OR4F5: variants seen among roughly 807,000 people sequenced by gnomAD.
OR4F5 encodes olfactory receptor family 4 subfamily F member 5.
Under a neutral mutation model 5.8 loss-of-function variants are expected in OR4F5, and 1 was observed. The observed-to-expected ratio is 0.17, with a 90% CI of 0.06 to 0.82. The LOEUF (loss-of-function observed/expected upper bound fraction) is 0.82. Ranked by LOEUF, OR4F5 falls within the 40% of genes least tolerant of loss-of-function variation. The pLI, the probability that OR4F5 is intolerant of heterozygous loss-of-function variation, is 0.72. For missense variants in OR4F5, 47 were observed against 175.5 expected (o/e 0.27, Z 4.14); for synonymous variants, 18 against 63.7 (o/e 0.28, Z 3.42).
intron 2 of OR4F5, among the ~76,000 whole-genome samples, chr1:68,596 T>G (rs372212855): frequency 0.013 from 411 of 31,606 alleles, 6 homozygotes; most frequent in Admixed American, 0.1. Context: ...TGTTAATTTT[T>G]AAGTATTATA....
At chr1:68,290 C>A (rs532527690) in intron 2 of OR4F5, among the ~76,000 whole-genome samples, 5 of 111,952 alleles carry the variant, frequency 4.5e-5, no homozygotes, top group Admixed American at 9.0e-5. Flanking sequence ...CCTGCTCACA[C>A]AACCACAACC....
rs985403705 is a variant in OR4F5 at position 70,467 on chromosome 1, GA to G, written c.*464del. 1 of 98,920 alleles carries G rather than the reference GA, an allele frequency of 1.0e-5. No individual in the cohort carries two copies. Among genetic ancestry groups the G allele is most frequent in the Non-Finnish European group, 2.5e-5 (1 of 40,438 alleles). 6.1% of individuals were successfully genotyped at this position (98,920 alleles called of 1,614,324 possible). ...GATATATGTCAACTTTTAAGAGGTT[GA>G]AAAACAAACGCCTCCCATTATAAGT... On this transcript the variant is annotated 3_prime_UTR_variant, in exon 3 of 3. Coordinates refer to ENST00000641515, the MANE Select transcript of OR4F5 (RefSeq NM_001005484.2).
Position 69,615 on chromosome 1 carries a change from T to C in OR4F5, c.588T>C (p.Pro196=). The C allele has an allele frequency of 9.6e-7, 1 of 1,044,646 alleles. No individual in the cohort carries two copies. The highest frequency in any genetic ancestry group is 1.3e-6 in the Non-Finnish European group (1 of 745,306). The allele number at this position is 1,044,646 out of a possible 1,614,324, so 64.7% of individuals were successfully genotyped here. The change falls in exon 3 of 3, where the codon CCT becomes CCC. Residue 196 remains proline, a synonymous_variant. Transcript: ENST00000641515. ...TCGATAGTTTTTATTGTGACCTTCCTAGGGTAATCAAACTTGCCTGTACAG... is the reference window on the plus strand; with the variant it reads ...TCGATAGTTTTTATTGTGACCTTCCCAGGGTAATCAAACTTGCCTGTACAG... ...NEVDSFYCDL[P]RVIKLACTDT...
intron 2 of OR4F5, among the ~76,000 whole-genome samples, chr1:66,205 ATAT>A (rs1247079726): frequency 2.5e-5 from 2 of 79,320 alleles, no homozygotes; most frequent in African/African-American, 7.6e-5. Flanking sequence ...TATATATTAC[ATAT>A]TATATATATA....
intron 2 of OR4F5, among the ~76,000 whole-genome samples, chr1:66,347 TATA>T (rs1557435449): frequency 2.2e-5 from 1 of 45,600 alleles, no homozygotes; most frequent in Non-Finnish European, 5.6e-5. Flanking sequence ...TATTATATAA[TATA>T]ATATATATTA....
At chr1:66,518 T>C (rs1229073778) in intron 2 of OR4F5, among the ~76,000 whole-genome samples, 1 of 72,776 alleles carries the variant, frequency 1.4e-5, no homozygotes, top group African/African-American at 4.0e-5. Context: ...ATATAATATA[T>C]ATTATATAAT....
At chr1:67,224 G>A (rs566526215) in intron 2 of OR4F5, among the ~76,000 whole-genome samples, 1,272 of 117,580 alleles carry the variant, frequency 0.011, 67 homozygotes, top group African/African-American at 0.031. Context: ...ATTTATTACC[G>A]TGCTAAGCAG....
At chr1:66,461 T>TATATAATATATATTATATATTTATAGA (rs1639946149) in intron 2 of OR4F5, among the ~76,000 whole-genome samples, 1 of 76,726 alleles carries the variant, frequency 1.3e-5, no homozygotes, top group African/African-American at 4.2e-5. Flanking sequence ...TATATTTTAT[T>TATATAATATATATTATATATTTATAGA]ATATAATATA....
chr1:69,496 G>T lies in OR4F5; in HGVS notation c.469G>T (p.Gly157Cys), dbSNP rs150690004. 4 of 945,926 alleles carry T rather than the reference G, an allele frequency of 4.2e-6. 1 individual carries two copies. The East Asian group carries it at 7.2e-5, about 17-fold the overall frequency. The allele number at this position is 945,926 out of a possible 1,614,324, so 58.6% of individuals were successfully genotyped here. A position where few individuals can be genotyped will look rare whatever the true frequency, so the allele number is the denominator to read the frequency against. The change falls in exon 3 of 3, where the codon GGC becomes TGC. Residue 157 changes from glycine (G) to cysteine (C), a missense_variant. By Grantham distance (159) the Gly-to-Cys change is radical (BLOSUM62 -3). Transcript: ENST00000641515. Reference protein sequence around the residue: ...TTIMCGNACVGIMAVTWGIGF... With the variant: ...TTIMCGNACVCIMAVTWGIGF... ...AATTATGTGTGGCAACGCATGTGTCGGCATTATGGCTGTCACATGGGGAAT... is the reference window on the plus strand; with the variant it reads ...AATTATGTGTGGCAACGCATGTGTCTGCATTATGGCTGTCACATGGGGAAT...
chr1:66,288 A>T (rs1411971612), intron 2 of OR4F5, among the ~76,000 whole-genome samples: 690 of 32,608 alleles, frequency 0.021, 154 homozygotes, highest in Non-Finnish European at 0.036. Flanking sequence ...TATATTATAT[A>T]ATATATAATA....
chr1:66,919 T>C (rs1346834781), intron 2 of OR4F5, among the ~76,000 whole-genome samples: 1 of 105,766 alleles, frequency 9.5e-6, no homozygotes, highest in African/African-American at 2.8e-5. Context: ...GAAATTCCTT[T>C]TGCTAAAGAA....
intron 2 of OR4F5, among the ~76,000 whole-genome samples, chr1:66,548 A>G (rs1266185244): frequency 1.2e-5 from 1 of 83,526 alleles, no homozygotes; most frequent in Non-Finnish European, 2.5e-5. Context: ...ATTTATATAT[A>G]ACATATATTA....
intron 2 of OR4F5, among the ~76,000 whole-genome samples, chr1:66,525 TAA>T (rs1473237373): frequency 1.2e-5 from 1 of 83,834 alleles, no homozygotes; most frequent in East Asian, 2.3e-4. Context: ...ATATATTATA[TAA>T]TATATATTAT....
chr1:66,751 G>C (rs1485342965), intron 2 of OR4F5, among the ~76,000 whole-genome samples: 1 of 117,154 alleles, frequency 8.5e-6, no homozygotes, highest in Non-Finnish European at 2.0e-5. Context: ...CCTTTAATAA[G>C]CCTAAACTTA....
chr1:66,370 AATAT>A (rs1491095914), intron 2 of OR4F5, among the ~76,000 whole-genome samples: 1 of 11,218 alleles, frequency 8.9e-5, no homozygotes, highest in Non-Finnish European at 3.2e-4. Flanking sequence ...ATATAAATAT[AATAT>A]ATAAATTATA....
At chr1:66,321 A>T (rs867925925) in intron 2 of OR4F5, among the ~76,000 whole-genome samples, 11 of 28,528 alleles carry the variant, frequency 3.9e-4, no homozygotes, top group African/African-American at 5.8e-4. Context: ...AAATTATATA[A>T]ATATAATATA....
rs1317895129 is a variant in OR4F5 at position 70,520 on chromosome 1, C to T, written c.*512C>T. On this transcript the variant is annotated 3_prime_UTR_variant, in exon 3 of 3. Transcript: ENST00000641515. The stretch of plus-strand genomic sequence containing the variant: ...TATACTTCACCTCCCACCACTATAA[C>T]AACCCAGAATCCATGAGGGCATTAT... The T allele has an allele frequency of 1.0e-5, 1 of 98,752 alleles. No individual in the cohort carries two copies. The highest frequency in any genetic ancestry group is 3.1e-5 in the African/African-American group (1 of 31,884). The allele number at this position is 98,752 out of a possible 1,614,324, so 6.1% of individuals were successfully genotyped here.
chr1:66,798 T>C lies in OR4F5; in HGVS notation c.9+1225T>C, dbSNP rs540654338. Among the ~76,000 whole-genome samples, 13 of 109,658 alleles carry C rather than the reference T, an allele frequency of 1.2e-4. No individual in the cohort carries two copies. In the East Asian group the frequency reaches 1.6e-3, roughly 14 times the overall value. The allele number at this position is 109,658 out of a possible 152,430, so 71.9% of individuals were successfully genotyped here. ...AGAATAAATACAATTCTTCTAATTT[T>C]TTTTGAATAATTTTTAAAAAGTCAG... On this transcript the variant is annotated intron_variant, in intron 2 of 2. Transcript: ENST00000641515.
chr1:66,184 C>T (rs1192303924), intron 2 of OR4F5, among the ~76,000 whole-genome samples: 2 of 84,976 alleles, frequency 2.4e-5, no homozygotes, highest in Admixed American at 1.9e-4. Flanking sequence ...ATTATATATA[C>T]TATATATTTA....
Sources: gnomAD v4.1 joint callset for allele counts (sites outside exome capture counted in the v4.1 genomes callset) on GRCh38, gnomAD v4.1.1 for gene constraint, MANE v1.5 for transcripts, NCBI Gene and HGNC (gene_info 2026-07-23, HGNC 2026-07-21) for gene names.